Variants in MARCHF1 observed in about 807,000 individuals in gnomAD.
MARCHF1 encodes the protein E3 ubiquitin-protein ligase MARCHF1.
Under a neutral mutation model 54.2 loss-of-function variants are expected in MARCHF1, and 40 were observed. The observed-to-expected ratio is 0.74, with a 90% confidence interval of 0.57 to 0.96. MARCHF1 has a LOEUF of 0.96. Ranked by LOEUF, MARCHF1 falls within the 40% of genes least tolerant of loss-of-function variation. The pLI is 0.00. For missense variants in MARCHF1, 586 were observed against 656.5 expected, an observed-to-expected ratio of 0.89 and a Z score of 1.17; for synonymous variants, 236 against 236.3, an observed-to-expected ratio of 1.00 and a Z score of 0.01.
rs138170781 is a variant in MARCHF1, at chr4:163,874,307, A to G, written c.-38-20138T>C. 1.6e-4 allele frequency among the ~76,000 whole-genome samples: 25 copies of G among 152,310 alleles called. No individual in the cohort carries two copies. In the East Asian group the frequency reaches 2.7e-3, roughly 16 times the overall value. On this transcript the variant is annotated intron_variant, in intron 3 of 9. Coordinates refer to ENST00000514618, the MANE Select transcript of MARCHF1 (RefSeq NM_001394959.1). ...GTTTAAGGTCTGTGATAATTTGTCAACTGGAGAAGAACTGGAATATATTAC... is the reference window on the plus strand; with the variant it reads ...GTTTAAGGTCTGTGATAATTTGTCAGCTGGAGAAGAACTGGAATATATTAC...
At chr4:164,076,817 A>G (rs1754991139) in intron 2 of MARCHF1, among the ~76,000 whole-genome samples, 1 of 152,274 alleles carries the variant, frequency 6.6e-6, no homozygotes, top group South Asian at 2.1e-4. Flanking sequence ...TAGGAATACA[A>G]CTTACAGGGT....
intron 5 of MARCHF1, among the ~76,000 whole-genome samples, chr4:163,683,522 A>T (rs1744173873): frequency 6.6e-6 from 1 of 152,200 alleles, no homozygotes; most frequent in Admixed American, 6.5e-5. Flanking sequence ...CATCTAAAAA[A>T]TATTAAAGAT....
chr4:164,269,975 A>G (rs554678557), intron 1 of MARCHF1, among the ~76,000 whole-genome samples: 1 of 152,256 alleles, frequency 6.6e-6, no homozygotes, highest in South Asian at 2.1e-4. Flanking sequence ...GAAGCTATAG[A>G]GTTTGTTTAA....
chr4:164,188,737 T>G (rs1731044622), intron 1 of MARCHF1: 2 of 1,026,822 alleles, frequency 1.9e-6, no homozygotes, highest in Non-Finnish European at 3.1e-6. Context: ...TCAAGGTAGT[T>G]GAAAAGAAAA....
At chr4:164,012,689 C>T (rs1163731506) in intron 2 of MARCHF1, among the ~76,000 whole-genome samples, 2 of 152,048 alleles carry the variant, frequency 1.3e-5, no homozygotes, top group East Asian at 1.9e-4. Flanking sequence ...TAGCCCAGGG[C>T]CAAGAGAGAC....
chr4:164,115,895 C>T (rs966642209), intron 1 of MARCHF1, among the ~76,000 whole-genome samples: 2 of 152,002 alleles, frequency 1.3e-5, no homozygotes, highest in African/African-American at 4.8e-5. Context: ...GAAAGCAACA[C>T]ATTTCAGTAG....
chr4:163,704,210 C>CT (rs1166688009), intron 4 of MARCHF1, among the ~76,000 whole-genome samples: 2 of 151,570 alleles, frequency 1.3e-5, no homozygotes, highest in Non-Finnish European at 3.0e-5. Flanking sequence ...TATTTCCCCC[C>CT]TTTTTTCAGG....
rs1482709933 is a variant in MARCHF1 at position 163,620,602 on chromosome 4, CACACAGAGAGAG to C, written c.163-7221_163-7210del. 7.1e-3 allele frequency among the ~76,000 whole-genome samples: 698 copies of C among 97,852 alleles called. 12 individuals carry two copies. The highest frequency in any genetic ancestry group is 0.041 in the African/African-American group (605 of 14,662). 64.2% of individuals were successfully genotyped at this position (97,852 alleles called of 152,430 possible). ...ACACACACACACACACACACACACA[CACACAGAGAGAG>C]AGAGAGAGAGAGAGAGAGAGAGAGA... On this transcript the variant is annotated intron_variant, in intron 5 of 9. Coordinates refer to ENST00000514618, the MANE Select transcript of MARCHF1 (RefSeq NM_001394959.1).
intron 3 of MARCHF1, among the ~76,000 whole-genome samples, chr4:163,920,514 T>C (rs1341475800): frequency 6.6e-6 from 1 of 152,210 alleles, no homozygotes; most frequent in Non-Finnish European, 1.5e-5. Flanking sequence ...TGCCAGTTTC[T>C]GAAGAATGAG....
chr4:163,759,935 T>C (rs1236533403), intron 4 of MARCHF1, among the ~76,000 whole-genome samples: 2 of 152,224 alleles, frequency 1.3e-5, no homozygotes, highest in African/African-American at 2.4e-5. Context: ...TCTGATATCA[T>C]GTGTATTAGG....
chr4:163,826,923 A>G (rs1289269499), intron 4 of MARCHF1, among the ~76,000 whole-genome samples: 1 of 152,032 alleles, frequency 6.6e-6, no homozygotes, highest in South Asian at 2.1e-4. Context: ...ACAAATGACA[A>G]TACTGAGGTA....
chr4:164,254,284 G>C (rs1733205658), intron 1 of MARCHF1, among the ~76,000 whole-genome samples: 1 of 149,522 alleles, frequency 6.7e-6, no homozygotes, highest in African/African-American at 2.5e-5. Flanking sequence ...TATTCGTCAG[G>C]TTTCTCTTAA....
At chr4:164,298,940 G>C (rs983444392) in intron 1 of MARCHF1, among the ~76,000 whole-genome samples, 8 of 151,864 alleles carry the variant, frequency 5.3e-5, no homozygotes, top group African/African-American at 1.9e-4. Context: ...TTATTTTTCA[G>C]GACAACAAAA....
At chr4:163,638,617 C>T (rs901752297) in intron 5 of MARCHF1, among the ~76,000 whole-genome samples, 3 of 152,090 alleles carry the variant, frequency 2.0e-5, no homozygotes, top group African/African-American at 7.2e-5. Flanking sequence ...TATATAGCAA[C>T]ACAAGAAAGG....
At chr4:163,553,891 AC>A (rs1739197637) in intron 8 of MARCHF1, among the ~76,000 whole-genome samples, 1 of 152,216 alleles carries the variant, frequency 6.6e-6, no homozygotes, top group South Asian at 2.1e-4. Context: ...ATTCTAACAA[AC>A]TTAGTGACTG....
intron 3 of MARCHF1, among the ~76,000 whole-genome samples, chr4:163,896,529 G>T (rs1355448828): frequency 1.3e-5 from 2 of 151,880 alleles, no homozygotes; most frequent in Admixed American, 1.3e-4. Flanking sequence ...CTTTTTCTTG[G>T]TTTTTCTCCA....
At chr4:163,966,856 C>G (rs1178259939) in intron 3 of MARCHF1, among the ~76,000 whole-genome samples, 1 of 152,030 alleles carries the variant, frequency 6.6e-6, no homozygotes, top group African/African-American at 2.4e-5. Flanking sequence ...CAAAAACTAG[C>G]GTGATTGTAC....
At chr4:163,816,292 A>C (rs944486119) in intron 4 of MARCHF1, among the ~76,000 whole-genome samples, 1 of 152,144 alleles carries the variant, frequency 6.6e-6, no homozygotes, top group Non-Finnish European at 1.5e-5. Flanking sequence ...GTCCTATGTG[A>C]ACTTTTTGGC....
rs769783564 is a variant in MARCHF1 at position 163,528,759 on chromosome 4, C to A, written c.1627G>T (p.Val543Leu). ...PSAEGGPPEV[V>L]SV ...CCCAACAGGTTCCATCAGACTGATA[C>A]AACTTCAGGGGGGCCACCCTCTGCA... Residue 543 changes from valine (V) to leucine (L), a missense_variant, in exon 10 of 10, where the codon GTA (valine) becomes TTA (leucine). Val to Leu is a conservative substitution (Grantham distance 32). This residue lies in a region of MARCHF1 where 106 missense variants were observed against 93.8 expected (regional missense o/e 1.13). Coordinates refer to ENST00000514618, the MANE Select transcript of MARCHF1 (RefSeq NM_001394959.1). The A allele has an allele frequency of 6.2e-7, 1 of 1,609,626 alleles. No individual in the cohort carries two copies.
Sources: allele counts gnomAD v4.1 joint callset (sites outside exome capture counted in the v4.1 genomes callset), GRCh38; gene constraint gnomAD v4.1.1; regional missense constraint gnomAD v4.1.1; transcripts MANE v1.5; gene names NCBI Gene and HGNC (gene_info 2026-07-23, HGNC 2026-07-21).